COLEC11: variants seen among roughly 807,000 people sequenced by gnomAD.
The protein encoded by COLEC11 is collectin subfamily member 11, also known as collectin-11.
Under a neutral mutation model 27.3 loss-of-function variants are expected in COLEC11, and 20 were observed. The ratio of observed to expected loss-of-function variants is 0.73; its 90% confidence interval spans 0.51 to 1.06. COLEC11 has a LOEUF of 1.06. Among genes scored for constraint, COLEC11 ranks in the 50% least tolerant of loss-of-function variants. COLEC11 has a pLI of 0.00. For synonymous variants in COLEC11, 163 were observed against 154.7 expected (o/e 1.05, Z -0.40); for missense variants, 310 against 383.0 (o/e 0.81, Z 1.59).
chr2:3,638,636 GAA>G (rs1665618509), intron 4 of COLEC11, among the ~76,000 whole-genome samples: 1 of 152,164 alleles, frequency 6.6e-6, no homozygotes, highest in Non-Finnish European at 1.5e-5. Flanking sequence ...GTACCTGGTA[GAA>G]AGGGCTCTGT....
intron 1 of COLEC11, among the ~76,000 whole-genome samples, chr2:3,598,365 G>A (rs927197901): frequency 2.6e-5 from 4 of 152,248 alleles, no homozygotes; most frequent in East Asian, 1.9e-4. Context: ...GAAACACCAC[G>A]AGGAGAAGAG....
intron 3 of COLEC11, among the ~76,000 whole-genome samples, chr2:3,615,429 CAT>C (rs1208539682): frequency 6.6e-6 from 1 of 152,210 alleles, no homozygotes; most frequent in Non-Finnish European, 1.5e-5. Flanking sequence ...GGACACAGCA[CAT>C]GTTTCAGAGA....
rs1320020079 is a variant in COLEC11, at chr2:3,643,494, A to C, written c.379A>C (p.Asn127His). The C allele has an allele frequency of 1.2e-6, 2 of 1,613,698 alleles. No homozygotes were observed. The highest frequency in any genetic ancestry group is 2.7e-5 in the African/African-American group (2 of 74,906). The change falls in exon 6 of 7, where the codon AAC becomes CAC. Residue 127 changes from asparagine (N) to histidine (H), a missense_variant. Transcript: ENST00000349077. ...GCGCAAGGCCATCGGGGAGATGGAC[A>C]ACCAGGTCTCTCAGCTGACCAGCGA... ...QLRKAIGEMDNQVSQLTSELK... is the reference protein window; with the variant it reads ...QLRKAIGEMDHQVSQLTSELK...
chr2:3,623,712 C>A (rs1484603114), intron 3 of COLEC11, among the ~76,000 whole-genome samples: 2 of 151,386 alleles, frequency 1.3e-5, no homozygotes, highest in Admixed American at 6.6e-5. Flanking sequence ...TATTGTTTTT[C>A]TGATTTTGTT....
In COLEC11 at chr2:3,624,518, G is replaced by A. The variant is rs532991282; in HGVS notation, c.202+11136G>A. 4.6e-5 allele frequency among the ~76,000 whole-genome samples: 7 copies of A among 152,298 alleles called. No homozygotes were observed. In the South Asian group the frequency reaches 1.5e-3, roughly 32 times the overall value. ...TTTTGGGCAGCATCCTGCATGGCTG[G>A]GGGAGCTGGAAGCTCACTTACTACA... is the stretch of plus-strand genomic sequence containing the variant. On this transcript the variant is annotated intron_variant, in intron 3 of 6. Transcript: ENST00000349077.
At chr2:3,636,486 T>C (rs563434142) in intron 3 of COLEC11, among the ~76,000 whole-genome samples, 4 of 152,344 alleles carry the variant, frequency 2.6e-5, no homozygotes, top group Admixed American at 2.6e-4. Context: ...CCACCCACTG[T>C]CTTGCAGGAT....
chr2:3,628,623 C>T (rs907770372), intron 3 of COLEC11, among the ~76,000 whole-genome samples: 2 of 152,222 alleles, frequency 1.3e-5, no homozygotes, highest in Admixed American at 6.5e-5. Context: ...AGACCCCCCA[C>T]CCCCCATTCG....
intron 3 of COLEC11, among the ~76,000 whole-genome samples, chr2:3,630,559 C>G (rs753084508): frequency 1.6e-4 from 25 of 152,184 alleles, no homozygotes; most frequent in South Asian, 6.2e-4. Flanking sequence ...GATGAGGAAA[C>G]AAGAAGTCAG....
intron 2 of COLEC11, among the ~76,000 whole-genome samples, chr2:3,605,304 GGGGGCGGGGGA>G (rs1181363479): frequency 1.5e-5 from 2 of 135,290 alleles, no homozygotes; most frequent in African/African-American, 5.5e-5. Context: ...GTGCCGAGGA[GGGGGCGGGGGA>G]GTCACGTGGG....
chr2:3,620,348 A>G (rs1275603793), intron 3 of COLEC11, among the ~76,000 whole-genome samples: 1 of 151,952 alleles, frequency 6.6e-6, no homozygotes, highest in Non-Finnish European at 1.5e-5. Context: ...ATGTATAATT[A>G]TTCGTATTAC....
At chr2:3,623,945 T>C (rs529075652) in intron 3 of COLEC11, among the ~76,000 whole-genome samples, 2 of 152,364 alleles carry the variant, frequency 1.3e-5, no homozygotes, top group South Asian at 2.1e-4. Context: ...CTCTAGTCTT[T>C]ATGGACTTTT....
intron 3 of COLEC11, among the ~76,000 whole-genome samples, chr2:3,633,559 C>A (rs1665166567): frequency 1.3e-5 from 2 of 152,182 alleles, no homozygotes. Context: ...TGTGAGGGTG[C>A]TGTGAGCGCG....
In COLEC11 at chr2:3,604,214, G is replaced by T. The variant is rs2147854382; in HGVS notation, c.-26-101G>T. The T allele has an allele frequency of 3.1e-6, 4 of 1,306,682 alleles. No individual in the cohort carries two copies. The East Asian group carries it at 6.9e-5, about 23-fold the overall frequency. 80.9% of individuals were successfully genotyped at this position (1,306,682 alleles called of 1,614,324 possible). A position where few individuals can be genotyped will look rare whatever the true frequency, so the allele number is the denominator to read the frequency against. ...ATGGGGGCCCAGACAGCCCTTCCAG[G>T]CACCAGGAGGGCTACACCCCTTGCC... On this transcript the variant is annotated intron_variant, in intron 1 of 6. Transcript: ENST00000349077.
chr2:3,619,357 G>C (rs1413460782), intron 3 of COLEC11, among the ~76,000 whole-genome samples: 1 of 152,080 alleles, frequency 6.6e-6, no homozygotes, highest in Non-Finnish European at 1.5e-5. Context: ...TCTGATTTTA[G>C]AGTAAAGCTT....
intron 2 of COLEC11, among the ~76,000 whole-genome samples, chr2:3,606,600 T>TGCTCCC (rs1662720894): frequency 1.3e-5 from 2 of 152,042 alleles, no homozygotes; most frequent in Admixed American, 1.3e-4. Flanking sequence ...CCCCTGCTCC[T>TGCTCCC]TGCTCTGGGA....
intron 1 of COLEC11, among the ~76,000 whole-genome samples, chr2:3,595,953 C>A (rs1661808446): frequency 6.6e-6 from 1 of 152,190 alleles, no homozygotes; most frequent in Admixed American, 6.5e-5. Context: ...TCTTTCACAG[C>A]TATTCGATTT....
At chr2:3,615,092 G>A (rs141368388) in intron 3 of COLEC11, among the ~76,000 whole-genome samples, 3,584 of 149,992 alleles carry the variant, frequency 0.024, 146 homozygotes, top group African/African-American at 0.081. Context: ...GGAATCCACT[G>A]AGAAATATTT....
At chr2:3,615,201 G>A (rs185506622) in intron 3 of COLEC11, among the ~76,000 whole-genome samples, 1 of 152,052 alleles carries the variant, frequency 6.6e-6, no homozygotes, top group East Asian at 1.9e-4. Context: ...GGATTTGGCA[G>A]GGTCATAGGA....
intron 3 of COLEC11, 65 bp downstream of exon 3, chr2:3,613,447 G>C (rs1055411518): frequency 5.3e-6 from 8 of 1,515,272 alleles, no homozygotes; most frequent in South Asian, 3.6e-5. Context: ...TGCTAGAGCC[G>C]GGTGGGGAGG....
Sources: gnomAD v4.1 joint callset for allele counts (sites outside exome capture counted in the v4.1 genomes callset) on GRCh38, gnomAD v4.1.1 for gene constraint, MANE v1.5 for transcripts, NCBI Gene and HGNC (gene_info 2026-07-23, HGNC 2026-07-21) for gene names.